Variants in PDHX observed in about 807,000 individuals in gnomAD.
The protein encoded by PDHX is pyruvate dehydrogenase protein X component, mitochondrial.
Under a neutral mutation model 55.3 loss-of-function variants are expected in PDHX, and 33 were observed. That is an observed-to-expected ratio of 0.60 (90% confidence interval 0.45 to 0.80). The LOEUF is 0.80. Among genes scored for constraint, PDHX ranks in the 30% least tolerant of loss-of-function variants. The pLI is 0.00. For missense variants in PDHX, 622 were observed against 619.9 expected (o/e 1.00, Z -0.04); for synonymous variants, 226 against 219.4 (o/e 1.03, Z -0.27).
At chr11:34,957,344 G>A (rs760233512) in intron 3 of PDHX, 40 bp from the exon 4 acceptor site, 1 of 1,291,410 alleles carries the variant, frequency 7.7e-7, no homozygotes, top group East Asian at 2.3e-5. Flanking sequence ...TGCAGTCATG[G>A]GGTTTTACTT....
At chr11:34,925,402 C>A (rs1272929507) in intron 1 of PDHX, among the ~76,000 whole-genome samples, 3 of 152,178 alleles carry the variant, frequency 2.0e-5, no homozygotes, top group Admixed American at 6.5e-5. Context: ...TTTCTAGGGT[C>A]TCTTTAATTG....
rs371392925 is a variant in PDHX at position 34,980,392 on chromosome 11, G to A, written c.1023+2210G>A. 3.8e-4 allele frequency among the ~76,000 whole-genome samples: 35 copies of A among 92,018 alleles called. No individual in the cohort carries two copies. In the South Asian group the frequency reaches 0.012, roughly 31 times the overall value. The allele number at this position is 92,018 out of a possible 152,430, so 60.4% of individuals were successfully genotyped here. On this transcript the variant is annotated intron_variant, in intron 8 of 10. Transcript: ENST00000227868. ...GAGCAGCAGCAAGATTTATTGTGAA[G>A]AGCAAAAGAACAAAGCTTCCACAGC...
At chr11:34,976,381 G>C (rs1177375300) in intron 7 of PDHX, among the ~76,000 whole-genome samples, 2 of 152,002 alleles carry the variant, frequency 1.3e-5, no homozygotes, top group African/African-American at 4.8e-5. Context: ...CAATATGTTT[G>C]GAAAATCTCC....
At chr11:34,984,243 G>A (rs1855591311) in intron 8 of PDHX, among the ~76,000 whole-genome samples, 1 of 152,150 alleles carries the variant, frequency 6.6e-6, no homozygotes, top group South Asian at 2.1e-4. Context: ...GTTATCATAT[G>A]AGGTAGGAAG....
chr11:34,954,669 A>T (rs892582933), intron 3 of PDHX, among the ~76,000 whole-genome samples: 1 of 152,224 alleles, frequency 6.6e-6, no homozygotes, highest in Admixed American at 6.5e-5. Context: ...TGTTGAATGT[A>T]TTGTTTTAAA....
At chr11:34,920,066 G>A (rs1284025189) in intron 1 of PDHX, among the ~76,000 whole-genome samples, 1 of 152,208 alleles carries the variant, frequency 6.6e-6, no homozygotes, top group African/African-American at 2.4e-5. Context: ...CTTAGAGGAA[G>A]AGGTGACAGC....
At chr11:34,979,078 G>T (rs1468997595) in intron 8 of PDHX, among the ~76,000 whole-genome samples, 1 of 152,036 alleles carries the variant, frequency 6.6e-6, no homozygotes, top group Non-Finnish European at 1.5e-5. Context: ...GGAGATTTGT[G>T]TTATGTTTCA....
At chr11:34,917,219 TCTTA>T (rs951982279) in intron 1 of PDHX, among the ~76,000 whole-genome samples, 11 of 152,110 alleles carry the variant, frequency 7.2e-5, no homozygotes, top group African/African-American at 2.7e-4. Flanking sequence ...TGTTGGGAGT[TCTTA>T]CTTATTCTCT....
At chr11:34,955,821 G>A (rs1283821937) in intron 3 of PDHX, among the ~76,000 whole-genome samples, 1 of 147,896 alleles carries the variant, frequency 6.8e-6, no homozygotes, top group Non-Finnish European at 1.5e-5. Context: ...TTTTTTTAAT[G>A]CTTTACATTT....
chr11:34,976,236 A>G (rs1332477691), intron 7 of PDHX, among the ~76,000 whole-genome samples: 3 of 152,210 alleles, frequency 2.0e-5, no homozygotes, highest in African/African-American at 7.2e-5. Context: ...TCTTTCTCAT[A>G]TAAAGTTACA....
At chr11:34,961,217 G>T (rs1273042531) in intron 5 of PDHX, among the ~76,000 whole-genome samples, 1 of 152,158 alleles carries the variant, frequency 6.6e-6, no homozygotes, top group Non-Finnish European at 1.5e-5. Flanking sequence ...AACTTTGTGA[G>T]AACTGACATC....
chr11:34,933,808 A>G (rs1319775874), intron 2 of PDHX, among the ~76,000 whole-genome samples: 1 of 152,132 alleles, frequency 6.6e-6, no homozygotes, highest in African/African-American at 2.4e-5. Context: ...ATCTTAAAGG[A>G]CTCAGGAGCC....
intron 8 of PDHX, among the ~76,000 whole-genome samples, chr11:34,983,588 C>A (rs548070203): frequency 0.023 from 3,408 of 146,150 alleles, 172 homozygotes; most frequent in African/African-American, 0.088. Flanking sequence ...TCAGAATACA[C>A]AATCAATGTG....
intron 3 of PDHX, among the ~76,000 whole-genome samples, chr11:34,953,718 A>G (rs894325399): frequency 3.3e-5 from 5 of 152,318 alleles, no homozygotes; most frequent in African/African-American, 1.2e-4. Flanking sequence ...ACCATCTCTG[A>G]TGTTAGACTA....
chr11:34,972,391 G>A (rs4486662), intron 7 of PDHX, among the ~76,000 whole-genome samples: 31,801 of 127,092 alleles, frequency 0.25, 4,436 homozygotes, highest in Non-Finnish European at 0.35. Flanking sequence ...TCCCACAAAT[G>A]TTGATTTTTT....
chr11:34,983,728 G>A (rs995502418), intron 8 of PDHX, among the ~76,000 whole-genome samples: 6 of 152,076 alleles, frequency 3.9e-5, no homozygotes, highest in Non-Finnish European at 5.9e-5. Context: ...GGAGGTGAAG[G>A]ACTTCTTCAA....
chr11:34,968,939 C>T (rs561064522), intron 6 of PDHX, among the ~76,000 whole-genome samples: 22 of 152,056 alleles, frequency 1.4e-4, no homozygotes, highest in Non-Finnish European at 2.5e-4. Context: ...AAAGATGGTT[C>T]GACTTATAAT....
At chr11:34,976,616 A>G (rs1855380855) in intron 7 of PDHX, among the ~76,000 whole-genome samples, 1 of 152,158 alleles carries the variant, frequency 6.6e-6, no homozygotes, top group Non-Finnish European at 1.5e-5. Context: ...GCCTGGGGAG[A>G]TGCCAACATT....
chr11:34,940,150 C>G (rs185545890), intron 2 of PDHX, among the ~76,000 whole-genome samples: 5 of 152,050 alleles, frequency 3.3e-5, no homozygotes, highest in Admixed American at 2.6e-4. Flanking sequence ...TCTGCTCTGC[C>G]GTGAAGCACT....
Sources: allele counts gnomAD v4.1 joint callset (sites outside exome capture counted in the v4.1 genomes callset), GRCh38; gene constraint gnomAD v4.1.1; transcripts MANE v1.5; gene names NCBI Gene and HGNC (gene_info 2026-07-23, HGNC 2026-07-21).